Variants in PCDHGA2 observed in about 807,000 individuals in gnomAD.
The protein encoded by PCDHGA2 is protocadherin gamma subfamily A, 2.
In PCDHGA2, 40 loss-of-function variants were observed where a neutral mutation model predicts 59.2. That is an observed-to-expected ratio of 0.68 (90% CI 0.52 to 0.88). PCDHGA2 has a LOEUF of 0.88. PCDHGA2 is among the 40% of genes least tolerant of loss of function. The probability of loss-of-function intolerance (pLI) is 0.00; values close to 1 mark genes in which losing one functional copy is unlikely to be tolerated. For synonymous variants in PCDHGA2, 560 were observed against 526.0 expected, an observed-to-expected ratio of 1.06 and a Z score of -0.89; for missense variants, 1,226 against 1,204.0, an observed-to-expected ratio of 1.02 and a Z score of -0.27.
chr5:141,457,233 T>G (rs1038193595), intron 1 of PCDHGA2, among the ~76,000 whole-genome samples: 9 of 152,208 alleles, frequency 5.9e-5, no homozygotes, highest in African/African-American at 2.2e-4. Flanking sequence ...AATTTCCATC[T>G]AAAATTTTAC....
At chr5:141,360,312 G>A in intron 1 of PCDHGA2, 1 of 1,613,976 alleles carries the variant, frequency 6.2e-7, no homozygotes, top group East Asian at 2.2e-5. Flanking sequence ...TCAGCGTCCG[G>A]GACTTGCCAG....
chr5:141,353,956 G>A (rs1469286537), intron 1 of PCDHGA2, among the ~76,000 whole-genome samples: 1 of 152,184 alleles, frequency 6.6e-6, no homozygotes, highest in African/African-American at 2.4e-5. Context: ...TGAGGAATAA[G>A]CTTAAGAACT....
At position 141,340,851 on chromosome 5, in the gene PCDHGA2, G is replaced by A. The variant is rs138760869; in HGVS notation, c.1880G>A (p.Arg627His). ...GTGGGTCTGCACACGGGCGAGGTGC[G>A]CACGGCGCGAGCCCTGCTGGACAGA... ...FSVGLHTGEVRTARALLDRDA... is the reference protein window; with the variant it reads ...FSVGLHTGEVHTARALLDRDA... Residue 627 changes from arginine (R) to histidine (H), a missense_variant, in exon 1 of 4, where the codon CGC becomes CAC. Transcript: ENST00000394576. 3.3e-5 allele frequency: 54 copies of A among 1,613,602 alleles called. No individual in the cohort carries two copies. In the African/African-American group the frequency reaches 6.3e-4, roughly 19 times the overall value.
At chr5:141,364,873 T>A (rs1002059027) in intron 1 of PCDHGA2, 1 of 1,613,852 alleles carries the variant, frequency 6.2e-7, no homozygotes, top group Non-Finnish European at 8.5e-7. Flanking sequence ...TCTCTCTGGA[T>A]GTGGTAAGCG....
At chr5:141,372,631 G>C (rs1768931705) in intron 1 of PCDHGA2, 1 of 1,613,884 alleles carries the variant, frequency 6.2e-7, no homozygotes, top group Non-Finnish European at 8.5e-7. Context: ...TACAGCGAAA[G>C]GACTTTGCCT....
Position 141,340,096 on chromosome 5 carries a change from C to T in PCDHGA2, c.1125C>T (p.Asp375=). The change falls in exon 1 of 4, where the codon GAC becomes GAT. Residue 375 remains aspartate (D), a synonymous_variant. Transcript: ENST00000394576. ...GGCTTTTTAATGTACATGATAGAGACTCTGGGCAGAACGCATTCACCACCT... is the reference window on the plus strand; with the variant it reads ...GGCTTTTTAATGTACATGATAGAGATTCTGGGCAGAACGCATTCACCACCT... The part of the protein sequence containing the change: ...IIGLFNVHDR[D]SGQNAFTTCS... The T allele has an allele frequency of 6.2e-7, 1 of 1,614,016 alleles. No homozygotes were observed. The highest frequency in any genetic ancestry group is 8.5e-7 in the Non-Finnish European group (1 of 1,179,920).
At chr5:141,373,840 A>T in intron 1 of PCDHGA2, 1 of 434,496 alleles carries the variant, frequency 2.3e-6, no homozygotes, top group Non-Finnish European at 4.1e-6. Context: ...TTAAGTTAGG[A>T]CTCTAAGCGT....
intron 1 of PCDHGA2, chr5:141,384,222 G>A: frequency 1.2e-6 from 2 of 1,613,868 alleles, no homozygotes; most frequent in South Asian, 2.2e-5. Context: ...TATTCATGCA[G>A]GTGGCAGACA....
intron 1 of PCDHGA2, chr5:141,439,898 C>T (rs1428014089): frequency 6.6e-6 from 1 of 152,344 alleles, no homozygotes; most frequent in African/African-American, 2.4e-5. Context: ...ACCAAGGCGA[C>T]TACTGCCTCC....
intron 3 of PCDHGA2, 79 bp downstream of exon 3, chr5:141,505,560 G>A: frequency 6.2e-7 from 1 of 1,604,768 alleles, no homozygotes; most frequent in South Asian, 1.1e-5. Context: ...CATGCCCACG[G>A]ACTGGATGTC....
chr5:141,490,200 A>G lies in PCDHGA2; in HGVS notation c.2425-4607A>G. 6.2e-6 allele frequency: 10 copies of G among 1,614,198 alleles called. No homozygotes were observed. The highest frequency in any genetic ancestry group is 8.5e-6 in the Non-Finnish European group (10 of 1,180,032). ...AGTCACGTTTCTATGAAATTCATGC[A>G]AGAGCCCGTGACCAGGGACAGCCTG... On this transcript the variant is annotated intron_variant, in intron 1 of 3. Coordinates refer to ENST00000394576, the MANE Select transcript of PCDHGA2 (RefSeq NM_018915.4). The surrounding 1 kb of genome is among the most constrained non-coding windows in gnomAD (Gnocchi z 5.4).
chr5:141,408,617 C>T (rs2095139011), intron 1 of PCDHGA2: 2 of 1,614,004 alleles, frequency 1.2e-6, no homozygotes, highest in African/African-American at 2.7e-5. Flanking sequence ...AAAGGAAATA[C>T]ATTTAGAAAT....
chr5:141,367,723 G>A (rs1211855605), intron 1 of PCDHGA2: 2 of 152,102 alleles, frequency 1.3e-5, no homozygotes, highest in Non-Finnish European at 2.9e-5. Flanking sequence ...GCTTCGTTCT[G>A]TGATGTAAAG....
intron 1 of PCDHGA2, chr5:141,478,684 T>C: frequency 6.4e-7 from 1 of 1,551,340 alleles, no homozygotes; most frequent in Non-Finnish European, 8.7e-7. Flanking sequence ...TGGCCCTTCC[T>C]AGATCAAAGT....
chr5:141,399,832 G>A, intron 1 of PCDHGA2: 1 of 1,613,152 alleles, frequency 6.2e-7, no homozygotes, highest in African/African-American at 1.3e-5. Flanking sequence ...CGACGGCTCT[G>A]CGCTCTTCGA....
chr5:141,475,981 G>A, intron 1 of PCDHGA2: 1 of 1,042,940 alleles, frequency 9.6e-7, no homozygotes, highest in Non-Finnish European at 1.4e-6. Context: ...CTGAACAGCC[G>A]GCGAGCAAAT....
chr5:141,355,169 C>A (rs753158485), intron 1 of PCDHGA2: 1 of 1,568,854 alleles, frequency 6.4e-7, no homozygotes, highest in Non-Finnish European at 8.6e-7. Flanking sequence ...GAGGGAAAAC[C>A]GAAGCACAGG....
Position 141,477,934 on chromosome 5 carries a change from C to T in PCDHGA2, c.2425-16873C>T. Reference sequence around the variant, plus strand: ...CGGATGCAGGGCACAATGCCTGGCTCTCCTACAGTCTCTTGGGATCCCCTA... The same window carrying T: ...CGGATGCAGGGCACAATGCCTGGCTTTCCTACAGTCTCTTGGGATCCCCTA... On this transcript the variant is annotated intron_variant, in intron 1 of 3. Coordinates refer to ENST00000394576, the MANE Select transcript of PCDHGA2 (RefSeq NM_018915.4). This position sits in a 1 kb window ranked among gnomAD's most constrained non-coding sequence, Gnocchi z 4.9. 3.1e-6 allele frequency: 5 copies of T among 1,614,204 alleles called. No individual in the cohort carries two copies. The highest frequency in any genetic ancestry group is 4.2e-6 in the Non-Finnish European group (5 of 1,180,036).
At chr5:141,389,412 G>C (rs1039259671) in intron 1 of PCDHGA2, 21 of 1,613,470 alleles carry the variant, frequency 1.3e-5, no homozygotes, top group Non-Finnish European at 1.3e-5. Flanking sequence ...CGCGGAGAGC[G>C]GGGTGGTGTT....
Sources: gnomAD v4.1 joint callset for allele counts (sites outside exome capture counted in the v4.1 genomes callset) on GRCh38, gnomAD v4.1.1 for gene constraint, Gnocchi (gnomAD v3.1) non-coding constraint, MANE v1.5 for transcripts, NCBI Gene and HGNC (gene_info 2026-07-23, HGNC 2026-07-21) for gene names.